Variants in C4orf17 observed in about 807,000 individuals in gnomAD.
C4orf17 encodes the protein chromosome 4 open reading frame 17, also known as uncharacterized protein C4orf17.
A neutral mutation model predicts 32.0 loss-of-function variants in C4orf17; 25 were observed. That is an observed-to-expected ratio of 0.78 (90% CI 0.57 to 1.09). The LOEUF is 1.09. Ranked by LOEUF, C4orf17 falls within the 50% of genes least tolerant of loss-of-function variation. C4orf17 has a pLI of 0.00. For missense variants in C4orf17, 420 were observed against 420.0 expected (o/e 1.00, Z 0.00); for synonymous variants, 149 against 145.8 (o/e 1.02, Z -0.16).
rs75596501 is a variant in C4orf17 at position 99,531,479 on chromosome 4, C to T, written c.546+1521C>T. Among the ~76,000 whole-genome samples the T allele has an allele frequency of 3.8e-3, 575 of 152,244 alleles. 5 individuals are homozygous for T. The highest frequency in any genetic ancestry group is 0.013 in the African/African-American group (540 of 41,566). ...TTCCTTGGGCATATCAATAGAACAG[C>T]GTGATCCTATAGAGCTGGCTTTCTG... On this transcript the variant is annotated intron_variant, in intron 5 of 8. Transcript: ENST00000326581.
intron 1 of C4orf17, among the ~76,000 whole-genome samples, chr4:99,511,864 T>C (rs1454695157): frequency 2.6e-5 from 4 of 152,164 alleles, no homozygotes; most frequent in Non-Finnish European, 5.9e-5. Context: ...GCTAGATAGA[T>C]ATTTTCTGCA....
At chr4:99,511,522 C>T (rs1560583287) in intron 1 of C4orf17, among the ~76,000 whole-genome samples, 1 of 151,470 alleles carries the variant, frequency 6.6e-6, no homozygotes, top group Non-Finnish European at 1.5e-5. Context: ...TATCAGCTAA[C>T]ATTTAAGTCA....
At chr4:99,538,503 C>A (rs1723595687) in intron 6 of C4orf17, among the ~76,000 whole-genome samples, 1 of 152,214 alleles carries the variant, frequency 6.6e-6, no homozygotes, top group Non-Finnish European at 1.5e-5. Context: ...AAGTAGGAAG[C>A]ATTCTGGAAA....
chr4:99,512,826 T>C (rs1334226548), intron 1 of C4orf17, among the ~76,000 whole-genome samples, 163 bp from the exon 2 acceptor site: 2 of 152,228 alleles, frequency 1.3e-5, no homozygotes, highest in African/African-American at 4.8e-5. Flanking sequence ...CCCATGCCTA[T>C]ACTTTTCAAC....
At chr4:99,518,485 TAAAAAAAAAAAAAAA>T (rs574883283) in intron 2 of C4orf17, among the ~76,000 whole-genome samples, 15 of 7,994 alleles carry the variant, frequency 1.9e-3, no homozygotes, top group Admixed American at 6.8e-3. Context: ...CCTGTCTCTT[TAAAAAAAAAAAAAAA>T]AAAAAAAAAA....
At chr4:99,531,862 T>A (rs1158710360) in intron 5 of C4orf17, among the ~76,000 whole-genome samples, 1 of 146,806 alleles carries the variant, frequency 6.8e-6, no homozygotes, top group African/African-American at 2.6e-5. Context: ...TACAAAAAAA[T>A]GTGTAATATT....
intron 5 of C4orf17, among the ~76,000 whole-genome samples, chr4:99,530,840 A>G (rs1318206251): frequency 1.3e-5 from 2 of 152,134 alleles, no homozygotes; most frequent in Non-Finnish European, 2.9e-5. Flanking sequence ...TATTTGACTT[A>G]TGTTTATACA....
At chr4:99,534,754 G>C (rs1271483897) in intron 5 of C4orf17, among the ~76,000 whole-genome samples, 1 of 152,156 alleles carries the variant, frequency 6.6e-6, no homozygotes, top group Non-Finnish European at 1.5e-5. Context: ...TTTAAGGTTA[G>C]TATTGCTATG....
rs199802630 is a variant in C4orf17 at position 99,524,594 on chromosome 4, C to T, written c.402+9C>T. ...CCTTAGTAATTAAAAAGGTAAGGAA[C>T]AGCTATTTACTGCTATCTATTTAGT... On this transcript the variant is annotated intron_variant, in intron 4 of 8. Transcript: ENST00000326581. 388 of 1,533,736 alleles carry T rather than the reference C, an allele frequency of 2.5e-4. 3 individuals are homozygous for T. The South Asian group carries it at 4.2e-3, about 17-fold the overall frequency.
At position 99,529,803 on chromosome 4, in the gene C4orf17, C is replaced by A. The variant is rs377453185; in HGVS notation, c.403-12C>A. The stretch of plus-strand genomic sequence containing the variant: ...GCAAATGTATATTGGTTATATTATA[C>A]TTTTGATTTAGGAAGAAATTAAGGC... On this transcript the variant is annotated splice_polypyrimidine_tract_variant and intron_variant, in intron 4 of 8. Transcript: ENST00000326581. 5.0e-6 allele frequency: 8 copies of A among 1,597,112 alleles called. No homozygotes were observed. The highest frequency in any genetic ancestry group is 6.0e-6 in the Non-Finnish European group (7 of 1,172,936).
chr4:99,527,251 C>T (rs999453107), intron 4 of C4orf17, among the ~76,000 whole-genome samples: 1 of 152,074 alleles, frequency 6.6e-6, no homozygotes, highest in Non-Finnish European at 1.5e-5. Context: ...CCATTGTAGT[C>T]AGAGAACACA....
At chr4:99,536,578 G>A (rs1723566081) in intron 5 of C4orf17, among the ~76,000 whole-genome samples, 1 of 152,200 alleles carries the variant, frequency 6.6e-6, no homozygotes, top group African/African-American at 2.4e-5. Context: ...GGAGCCAGCA[G>A]GCTAGAACAG....
intron 2 of C4orf17, among the ~76,000 whole-genome samples, chr4:99,513,714 A>G (rs926384656): frequency 3.3e-5 from 5 of 149,818 alleles, no homozygotes; most frequent in African/African-American, 9.9e-5. Context: ...CTCTTTTCCT[A>G]GCTTTTACTT....
intron 5 of C4orf17, chr4:99,536,072 C>A: frequency 2.5e-6 from 1 of 407,128 alleles, no homozygotes; most frequent in Non-Finnish European, 4.8e-6. Flanking sequence ...TGCAAGACAG[C>A]AAAGGTGTCT....
At chr4:99,526,651 C>CTTTTCT (rs1723391813) in intron 4 of C4orf17, among the ~76,000 whole-genome samples, 1 of 137,614 alleles carries the variant, frequency 7.3e-6, no homozygotes, top group South Asian at 2.3e-4. Flanking sequence ...CTTTTCTTTT[C>CTTTTCT]TTTTTTTTTT....
rs1266478847 is a variant in C4orf17, at chr4:99,522,604, T to C, written c.232T>C (p.Phe78Leu). ...CTACTTAGAGAAGAACAGGATACCATTTGCCAATTGCAGTTACCCCTCCAG... is the reference window on the plus strand; with the variant it reads ...CTACTTAGAGAAGAACAGGATACCACTTGCCAATTGCAGTTACCCCTCCAG... ...SNYLEKNRIPFANCSYPSSTA... is the reference protein window; with the variant it reads ...SNYLEKNRIPLANCSYPSSTA... Residue 78 changes from phenylalanine to leucine, a missense_variant, in exon 3 of 9, where the codon TTT (phenylalanine) becomes CTT (leucine). Coordinates refer to ENST00000326581, the MANE Select transcript of C4orf17 (RefSeq NM_032149.3). 6.2e-7 allele frequency: 1 copy of C among 1,613,840 alleles called. No individual in the cohort carries two copies. The highest frequency in any genetic ancestry group is 8.5e-7 in the Non-Finnish European group (1 of 1,179,900).
chr4:99,527,377 T>C (rs1723406911), intron 4 of C4orf17, among the ~76,000 whole-genome samples: 1 of 152,228 alleles, frequency 6.6e-6, no homozygotes, highest in Non-Finnish European at 1.5e-5. Context: ...TCTGCTGTTG[T>C]TTGGTAGAAC....
chr4:99,535,065 C>A (rs1051507977), intron 5 of C4orf17, among the ~76,000 whole-genome samples: 5 of 152,104 alleles, frequency 3.3e-5, no homozygotes. Flanking sequence ...ATATTGGCTC[C>A]CAATTTCTTC....
intron 5 of C4orf17, among the ~76,000 whole-genome samples, chr4:99,536,803 G>T (rs1723570574): frequency 6.6e-6 from 1 of 152,156 alleles, no homozygotes; most frequent in Admixed American, 6.5e-5. Context: ...GAAGATGTTG[G>T]TACTGAACAG....
Sources: allele counts gnomAD v4.1 joint callset (sites outside exome capture counted in the v4.1 genomes callset), GRCh38; gene constraint gnomAD v4.1.1; transcripts MANE v1.5; gene names NCBI Gene and HGNC (gene_info 2026-07-23, HGNC 2026-07-21).